ANO7: variants seen among roughly 807,000 people sequenced by gnomAD.
ANO7 encodes the protein anoctamin 7.
Under a neutral mutation model 115.8 loss-of-function variants are expected in ANO7, and 114 were observed. That is an observed-to-expected ratio of 0.98 (90% CI 0.85 to 1.15). The LOEUF is 1.15. ANO7 is among the 50% of genes most tolerant of loss of function. ANO7 has a pLI of 0.00. For missense variants in ANO7, 1,302 were observed against 1,201.2 expected, an observed-to-expected ratio of 1.08 and a Z score of -1.24; for synonymous variants, 550 against 498.2, an observed-to-expected ratio of 1.10 and a Z score of -1.38.
intron 18 of ANO7, among the ~76,000 whole-genome samples, chr2:241,215,135 C>T (rs1239370751): frequency 1.3e-5 from 2 of 152,176 alleles, no homozygotes; most frequent in African/African-American, 4.8e-5. Flanking sequence ...GTGGGAGACG[C>T]TACCCCTGGG....
chr2:241,200,917 G>A (rs1301304878), intron 6 of ANO7, among the ~76,000 whole-genome samples: 1 of 152,188 alleles, frequency 6.6e-6, no homozygotes, highest in African/African-American at 2.4e-5. Context: ...GCCCCATGAC[G>A]GAGCTTCAGG....
intron 10 of ANO7, 22 bp from the exon 11 acceptor site, chr2:241,207,552 C>A: frequency 1.2e-6 from 2 of 1,608,610 alleles, no homozygotes; most frequent in Non-Finnish European, 1.7e-6. Context: ...TAGCTCCCAC[C>A]CCTCCGCTCC....
chr2:241,212,511 A>G, intron 16 of ANO7, 61 bp from the exon 17 acceptor site: 2 of 1,557,496 alleles, frequency 1.3e-6, no homozygotes, highest in South Asian at 1.2e-5. Flanking sequence ...TCCAGAGCCC[A>G]GGGAAGTGGG....
chr2:241,239,840 T>C, the ANO7 span: 1 of 1,612,078 alleles, frequency 6.2e-7, no homozygotes, highest in Non-Finnish European at 8.5e-7. This position sits in a 1 kb window ranked among gnomAD's most constrained non-coding sequence, Gnocchi z 4.6. Context: ...TAAGAAGAGA[T>C]GGAAGATAAG....
intron 2 of ANO7, 89 bp from the exon 3 acceptor site, chr2:241,191,105 A>G (rs969279191): frequency 7.1e-7 from 1 of 1,414,472 alleles, no homozygotes. Context: ...GTTGGAGGCG[A>G]GGACGGCTTC....
At chr2:241,235,040 G>A in the ANO7 span, 4 of 1,539,082 alleles carry the variant, frequency 2.6e-6, no homozygotes, top group East Asian at 2.3e-5. Flanking sequence ...CTGGGATCCT[G>A]AAGAACTTCC....
At chr2:241,226,903 G>A (rs970665224), downstream of ANO7, among the ~76,000 whole-genome samples, 4 of 152,070 alleles carry the variant, frequency 2.6e-5, no homozygotes, top group Middle Eastern at 3.4e-3. Flanking sequence ...CGAGGCCTCC[G>A]CCCGCACCCC....
At chr2:241,223,161 G>A (rs780589691) in intron 21 of ANO7, 25 bp from the exon 22 acceptor site, 22 of 1,607,614 alleles carry the variant, frequency 1.4e-5, no homozygotes, top group East Asian at 6.7e-5. Flanking sequence ...CTGGCTGCGC[G>A]CACTGAGTCC....
chr2:241,195,979 C>T (rs2068318791), intron 4 of ANO7, 134 bp downstream of exon 4: 26 of 1,558,906 alleles, frequency 1.7e-5, no homozygotes, highest in Non-Finnish European at 2.1e-5. Flanking sequence ...CTGCTGGACC[C>T]CCCAGCCACC....
At chr2:241,220,080 A>G (rs2068973404) in intron 21 of ANO7, among the ~76,000 whole-genome samples, 1 of 152,028 alleles carries the variant, frequency 6.6e-6, no homozygotes, top group African/African-American at 2.4e-5. Flanking sequence ...CATCAAATTT[A>G]TTTGTGTATT....
chr2:241,191,106 G>C, intron 2 of ANO7, 88 bp from the exon 3 acceptor site: 1 of 1,480,022 alleles, frequency 6.8e-7, no homozygotes, highest in South Asian at 1.2e-5. Context: ...TTGGAGGCGA[G>C]GACGGCTTCA....
At position 241,223,295 on chromosome 2, in the gene ANO7, G is replaced by C; in HGVS notation, c.2412+19G>C. 1 of 1,613,758 alleles carries C rather than the reference G, an allele frequency of 6.2e-7. No individual in the cohort carries two copies. The highest frequency in any genetic ancestry group is 8.5e-7 in the Non-Finnish European group (1 of 1,179,598). ...GTTTGAGGTAGCCGAGGCACCTGCT[G>C]GTTCTCCCATCCATGGCATGAGGCC... On this transcript the variant is annotated intron_variant, in intron 22 of 24. Transcript: ENST00000674324.
intron 3 of ANO7, among the ~76,000 whole-genome samples, chr2:241,195,468 T>C (rs1036787600): frequency 2.0e-5 from 3 of 152,106 alleles, no homozygotes; most frequent in African/African-American, 7.2e-5. Flanking sequence ...ACCCAGCCCC[T>C]CTCCAGGCCT....
At chr2:241,221,844 C>G (rs1383042288) in intron 21 of ANO7, among the ~76,000 whole-genome samples, 1 of 150,554 alleles carries the variant, frequency 6.6e-6, no homozygotes, top group East Asian at 2.0e-4. Context: ...TGCCCAGCTA[C>G]TCTTTTATAT....
At position 241,188,690 on chromosome 2, in the gene ANO7, C is replaced by T; in HGVS notation, c.-84C>T. On this transcript the variant is annotated 5_prime_UTR_variant, in exon 1 of 25. Coordinates refer to ENST00000674324, the MANE Select transcript of ANO7 (RefSeq NM_001370694.2). The surrounding 1 kb of genome is among the most constrained non-coding windows in gnomAD (Gnocchi z 4.3). ...CCTCTGTCCCGCAGTGAGGACGGGACTCTACTGCCGAGACCAGGCTCACGC... is the reference window on the plus strand; with the variant it reads ...CCTCTGTCCCGCAGTGAGGACGGGATTCTACTGCCGAGACCAGGCTCACGC... 1 of 1,613,544 alleles carries T rather than the reference C, an allele frequency of 6.2e-7. No individual in the cohort carries two copies. The highest frequency in any genetic ancestry group is 8.5e-7 in the Non-Finnish European group (1 of 1,179,946).
chr2:241,233,719 C>T, the ANO7 span: 1 of 1,328,820 alleles, frequency 7.5e-7, no homozygotes, highest in Non-Finnish European at 1.1e-6. This position sits in a 1 kb window ranked among gnomAD's most constrained non-coding sequence, Gnocchi z 4.3. Context: ...CTCAACTTGG[C>T]CCTCGAACCC....
chr2:241,195,580 C>G, intron 3 of ANO7, 123 bp from the exon 4 acceptor site: 1 of 906,740 alleles, frequency 1.1e-6, no homozygotes, highest in Non-Finnish European at 1.7e-6. Context: ...CGGGAAGGAA[C>G]CGGCCCTGAG....
the ANO7 span, among the ~76,000 whole-genome samples, chr2:241,234,292 CAG>C: frequency 5.9e-5 from 9 of 152,200 alleles, no homozygotes; most frequent in Non-Finnish European, 7.3e-5. Context: ...ATTTGTCAAA[CAG>C]GGATCTGATG....
At chr2:241,239,552 G>T in the ANO7 span, 1 of 1,477,924 alleles carries the variant, frequency 6.8e-7, no homozygotes, top group Non-Finnish European at 9.4e-7. This position sits in a 1 kb window ranked among gnomAD's most constrained non-coding sequence, Gnocchi z 4.6. Flanking sequence ...CGGCTTCGGT[G>T]AGTGGCCACT....
Sources: allele counts gnomAD v4.1 joint callset (sites outside exome capture counted in the v4.1 genomes callset), GRCh38; gene constraint gnomAD v4.1.1; non-coding constraint Gnocchi (gnomAD v3.1); transcripts MANE v1.5; gene names NCBI Gene and HGNC (gene_info 2026-07-23, HGNC 2026-07-21).